The following KTN1 variants were observed in gnomAD, a reference collection of about 807,000 sequenced individuals.
KTN1 encodes kinectin.
In KTN1, 130 loss-of-function variants were observed where a neutral mutation model predicts 222.5. The ratio of observed to expected loss-of-function variants is 0.58; its 90% CI spans 0.51 to 0.68. The LOEUF (loss-of-function observed/expected upper bound fraction) is 0.68. Among genes scored for constraint, KTN1 ranks in the 30% least tolerant of loss-of-function variants. The pLI, the probability that KTN1 is intolerant of heterozygous loss-of-function variation, is 0.00. For synonymous variants in KTN1, 512 were observed against 496.3 expected, an observed-to-expected ratio of 1.03 and a Z score of -0.42; for missense variants, 1,508 against 1,500.4, an observed-to-expected ratio of 1.01 and a Z score of -0.08.
intron 34 of KTN1, among the ~76,000 whole-genome samples, chr14:55,669,867 A>T (rs1052089342): frequency 6.6e-6 from 1 of 152,040 alleles, no homozygotes. Context: ...ATTCTGCTGC[A>T]TATGTAACAG....
intron 1 of KTN1, among the ~76,000 whole-genome samples, chr14:55,598,166 T>A (rs1247630434): frequency 6.6e-6 from 1 of 152,096 alleles, no homozygotes; most frequent in African/African-American, 2.4e-5. Context: ...CAGGGCGCGG[T>A]GGCTCACGCC....
intron 34 of KTN1, chr14:55,668,930 A>C (rs1379405142): frequency 6.6e-6 from 1 of 152,092 alleles, no homozygotes; most frequent in Non-Finnish European, 1.5e-5. Flanking sequence ...CGATCTGATC[A>C]GTTTAGGAGA....
At position 55,655,295 on chromosome 14, in the gene KTN1, T is replaced by C. The variant is rs930857784; in HGVS notation, c.2802-747T>C. Among the ~76,000 whole-genome samples, 32 of 152,212 alleles carry C rather than the reference T, an allele frequency of 2.1e-4. 1 individual carries two copies. Among genetic ancestry groups the C allele is most frequent in the African/African-American group, 4.8e-5 (2 of 41,458 alleles). ...TGCTCACCCTTGGATTGCCTTCTTT[T>C]ACTTAGCAATATGCATTTGAGTTTT... On this transcript the variant is annotated intron_variant, in intron 28 of 43. Coordinates refer to ENST00000395314, the MANE Select transcript of KTN1 (RefSeq NM_001079521.2).
chr14:55,603,515 G>A (rs1031868564), intron 1 of KTN1, among the ~76,000 whole-genome samples: 2 of 152,098 alleles, frequency 1.3e-5, no homozygotes, highest in Admixed American at 6.5e-5. Flanking sequence ...TCTGGCGTCC[G>A]GGACAGCAAA....
intron 1 of KTN1, among the ~76,000 whole-genome samples, chr14:55,603,582 G>C (rs1455796057): frequency 1.3e-5 from 2 of 152,114 alleles, no homozygotes; most frequent in Non-Finnish European, 2.9e-5. Context: ...TCATTTTCCT[G>C]TTGTTGAATT....
intron 41 of KTN1, among the ~76,000 whole-genome samples, chr14:55,676,508 A>G (rs1291431659): frequency 1.3e-5 from 2 of 152,142 alleles, no homozygotes; most frequent in South Asian, 2.1e-4. Context: ...TGGATATATC[A>G]TCATTAGCAA....
rs142131660 is a variant in KTN1, at chr14:55,597,479, G to C, written c.-30-14540G>C. 3.5e-4 allele frequency among the ~76,000 whole-genome samples: 54 copies of C among 152,286 alleles called. 1 individual carries two copies. Among genetic ancestry groups the C allele is most frequent in the African/African-American group, 1.3e-3 (53 of 41,564 alleles). On this transcript the variant is annotated intron_variant, in intron 1 of 43. Transcript: ENST00000395314. The stretch of plus-strand genomic sequence containing the variant: ...TTTGCTGTTTATTCACAATTTTGCT[G>C]TTTGCGTAGATGTCGAATCTCTTTG...
intron 1 of KTN1, among the ~76,000 whole-genome samples, chr14:55,608,059 G>A (rs565500404): frequency 6.6e-6 from 1 of 152,254 alleles, no homozygotes; most frequent in South Asian, 2.1e-4. Flanking sequence ...GTATACTGTG[G>A]ACTTAGAAAA....
In KTN1 at chr14:55,634,700, T is replaced by C. The variant is rs200539433; in HGVS notation, c.1461+42T>C. On this transcript the variant is annotated intron_variant, in intron 9 of 43. Coordinates refer to ENST00000395314, the MANE Select transcript of KTN1 (RefSeq NM_001079521.2). Reference sequence around the variant, plus strand: ...TTTATTTGTCATTTCATGAATAATATAGGCGTATTAGTTCGTTTTCATACT... The same window carrying C: ...TTTATTTGTCATTTCATGAATAATACAGGCGTATTAGTTCGTTTTCATACT... The C allele has an allele frequency of 1.9e-4, 291 of 1,547,356 alleles. 2 individuals are homozygous for C. The highest frequency in any genetic ancestry group is 3.0e-5 in the Non-Finnish European group (34 of 1,139,876).
At chr14:55,679,328 CT>C (rs948381597) in intron 42 of KTN1, 1 of 361,058 alleles carries the variant, frequency 2.8e-6, no homozygotes, top group African/African-American at 2.1e-5. Context: ...ATTTTTTTTC[CT>C]TTTGTGTCCA....
At chr14:55,628,082 A>T in intron 6 of KTN1, 54 bp downstream of exon 6, 1 of 1,086,704 alleles carries the variant, frequency 9.2e-7, no homozygotes, top group Non-Finnish European at 1.4e-6. Context: ...AAGCAACAAA[A>T]GATTTTAGAA....
In KTN1 at chr14:55,618,122, G is replaced by A. The variant is rs376987068; in HGVS notation, c.820G>A (p.Glu274Lys). 44 of 1,610,226 alleles carry A rather than the reference G, an allele frequency of 2.7e-5. No homozygotes were observed. The African/African-American group carries it at 4.0e-4, about 15-fold the overall frequency. The change falls in exon 4 of 44, where the codon GAA (glutamate) becomes AAA (lysine). Residue 274 changes from glutamate to lysine, a missense_variant. Physicochemically the swap from Glu to Lys is moderately conservative, Grantham distance 56. Transcript: ENST00000395314. The part of the protein sequence containing the change: ...QKSGTKKLKT[E>K]TDKENAEVKF... ...ATCTGGGACTAAAAAACTGAAGACC[G>A]AAACTGACAAAGGTAATATATGGGA...
intron 1 of KTN1, among the ~76,000 whole-genome samples, chr14:55,591,581 CTTTTTTTTT>C (rs71131297): frequency 3.0e-3 from 260 of 87,722 alleles, no homozygotes; most frequent in Admixed American, 6.7e-3. Flanking sequence ...TTCTCTCTTT[CTTTTTTTTT>C]TTTTTTTTTT....
In KTN1 at chr14:55,653,003, C is replaced by T. The variant is rs375564270; in HGVS notation, c.2695-14C>T. ...ACTTGACTATCAATTTAATTTACAC[C>T]TATTCTTTTTAAGGATCTTCAAGAA... On this transcript the variant is annotated splice_polypyrimidine_tract_variant and intron_variant, in intron 26 of 43. Coordinates refer to ENST00000395314, the MANE Select transcript of KTN1 (RefSeq NM_001079521.2). 32 of 1,592,256 alleles carry T rather than the reference C, an allele frequency of 2.0e-5. No homozygotes were observed. The highest frequency in any genetic ancestry group is 2.1e-5 in the Non-Finnish European group (24 of 1,162,116).
intron 18 of KTN1, among the ~76,000 whole-genome samples, chr14:55,646,550 C>G (rs983039053): frequency 7.6e-6 from 1 of 131,730 alleles, no homozygotes; most frequent in South Asian, 2.4e-4. Context: ...CTTTCCTTCT[C>G]TCTTTCTCTC....
At chr14:55,623,193 C>T (rs1212127120) in intron 5 of KTN1, among the ~76,000 whole-genome samples, 1 of 152,246 alleles carries the variant, frequency 6.6e-6, no homozygotes, top group Non-Finnish European at 1.5e-5. Flanking sequence ...CACTATAAGT[C>T]TGTCATACTT....
chr14:55,678,456 C>G lies in KTN1; in HGVS notation c.3948+12C>G. Reference sequence around the variant, plus strand: ...TTTCCCCAGAAACGGTATGTATTTTCTTCATCCCCAGATCTCTGAGCTAGT... The same window carrying G: ...TTTCCCCAGAAACGGTATGTATTTTGTTCATCCCCAGATCTCTGAGCTAGT... On this transcript the variant is annotated intron_variant, in intron 42 of 43. Coordinates refer to ENST00000395314, the MANE Select transcript of KTN1 (RefSeq NM_001079521.2). 1 of 1,523,032 alleles carries G rather than the reference C, an allele frequency of 6.6e-7. No individual in the cohort carries two copies. Among genetic ancestry groups the G allele is most frequent in the Non-Finnish European group, 9.1e-7 (1 of 1,097,026 alleles). 94.3% of individuals were successfully genotyped at this position (1,523,032 alleles called of 1,614,324 possible).
At chr14:55,616,267 A>G (rs368747083) in intron 2 of KTN1, among the ~76,000 whole-genome samples, 1 of 152,044 alleles carries the variant, frequency 6.6e-6, no homozygotes, top group Non-Finnish European at 1.5e-5. Context: ...TTTTAAGATG[A>G]TAGAGACTTG....
chr14:55,635,722 G>A (rs2041046010), intron 9 of KTN1, among the ~76,000 whole-genome samples: 1 of 152,164 alleles, frequency 6.6e-6, no homozygotes, highest in Admixed American at 6.6e-5. Context: ...GAAATTTGTT[G>A]AAAGTATAGT....
Sources: allele counts gnomAD v4.1 joint callset (sites outside exome capture counted in the v4.1 genomes callset), GRCh38; gene constraint gnomAD v4.1.1; transcripts MANE v1.5; gene names NCBI Gene and HGNC (gene_info 2026-07-23, HGNC 2026-07-21).